MARCHF1: variants seen among roughly 807,000 people sequenced by gnomAD.
MARCHF1 encodes membrane associated ring-CH-type finger 1, also known as E3 ubiquitin-protein ligase MARCHF1.
Under a neutral mutation model 54.2 loss-of-function variants are expected in MARCHF1, and 40 were observed. The observed-to-expected ratio is 0.74, with a 90% CI of 0.57 to 0.96. The LOEUF is 0.96. Ranked by LOEUF, MARCHF1 falls within the 40% of genes least tolerant of loss-of-function variation. The pLI is 0.00. For missense variants in MARCHF1, 586 were observed against 656.5 expected, an observed-to-expected ratio of 0.89 and a Z score of 1.17; for synonymous variants, 236 against 236.3, an observed-to-expected ratio of 1.00 and a Z score of 0.01.
At chr4:163,957,192 C>T (rs953568616) in intron 3 of MARCHF1, among the ~76,000 whole-genome samples, 5 of 151,896 alleles carry the variant, frequency 3.3e-5, no homozygotes, top group Non-Finnish European at 5.9e-5. Context: ...CTCAATTAAA[C>T]TGTGATACTA....
intron 5 of MARCHF1, among the ~76,000 whole-genome samples, chr4:163,637,423 G>T (rs1393104125): frequency 1.3e-5 from 2 of 152,034 alleles, no homozygotes; most frequent in Non-Finnish European, 2.9e-5. Context: ...CCATCAAAAA[G>T]TGGGCGAAGG....
intron 1 of MARCHF1, among the ~76,000 whole-genome samples, chr4:164,240,074 A>G (rs1190389207): frequency 1.3e-5 from 2 of 152,200 alleles, no homozygotes. Flanking sequence ...TGGACAAATG[A>G]AATAGATTGT....
intron 3 of MARCHF1, among the ~76,000 whole-genome samples, chr4:163,865,804 A>G (rs1052717227): frequency 6.6e-6 from 1 of 151,644 alleles, no homozygotes; most frequent in African/African-American, 2.4e-5. Flanking sequence ...TACTTGCCTG[A>G]ATGTCTAGGT....
chr4:163,583,406 A>G (rs1740292697), intron 8 of MARCHF1, among the ~76,000 whole-genome samples: 2 of 152,234 alleles, frequency 1.3e-5, no homozygotes, highest in Admixed American at 1.3e-4. Context: ...CAACCTCTGG[A>G]TCAGATTCCA....
At chr4:163,734,181 T>C (rs56194182) in intron 4 of MARCHF1, among the ~76,000 whole-genome samples, 58,102 of 151,984 alleles carry the variant, frequency 0.38, 11,944 homozygotes, top group Admixed American at 0.46. Context: ...CCATTACAAG[T>C]GTTGGCAAGA....
intron 2 of MARCHF1, among the ~76,000 whole-genome samples, chr4:164,111,257 G>A (rs930207275): frequency 1.3e-5 from 2 of 151,700 alleles, no homozygotes. Context: ...TCACTGAAAC[G>A]GAGGTACTAT....
chr4:164,185,317 G>T (rs1015250332), intron 1 of MARCHF1, among the ~76,000 whole-genome samples: 9 of 152,070 alleles, frequency 5.9e-5, no homozygotes, highest in African/African-American at 2.2e-4. Flanking sequence ...CTGAGTGAAT[G>T]GTTATTTTTG....
chr4:164,257,556 A>G lies in MARCHF1; in HGVS notation c.-323+126314T>C, dbSNP rs994244777. Reference sequence around the variant, plus strand: ...GCTATAAGATAAATTTCTTTGAAAAACCATGGGATAGTGATAAAATATATA... The same window carrying G: ...GCTATAAGATAAATTTCTTTGAAAAGCCATGGGATAGTGATAAAATATATA... On this transcript the variant is annotated intron_variant, in intron 1 of 9. Transcript: ENST00000514618. Among the ~76,000 whole-genome samples the G allele has an allele frequency of 2.0e-5, 3 of 151,838 alleles. No individual in the cohort carries two copies. In the East Asian group the frequency reaches 5.8e-4, roughly 29 times the overall value.
intron 5 of MARCHF1, among the ~76,000 whole-genome samples, chr4:163,640,446 G>A (rs1358436831): frequency 1.3e-5 from 2 of 152,124 alleles, no homozygotes; most frequent in Non-Finnish European, 2.9e-5. Flanking sequence ...AAGGAAGTTG[G>A]TTAAAGATAT....
chr4:163,621,594 T>G (rs1353305567), intron 5 of MARCHF1, among the ~76,000 whole-genome samples: 1 of 152,188 alleles, frequency 6.6e-6, no homozygotes, highest in Non-Finnish European at 1.5e-5. Context: ...TTGCTTTATA[T>G]ATCTATAAGA....
intron 1 of MARCHF1, among the ~76,000 whole-genome samples, chr4:164,193,744 G>A (rs942796856): frequency 2.6e-5 from 4 of 152,086 alleles, no homozygotes; most frequent in African/African-American, 9.7e-5. Context: ...AACAAATGCT[G>A]TCCAAAATCA....
At chr4:163,545,973 G>A (rs1354445652) in intron 8 of MARCHF1, among the ~76,000 whole-genome samples, 1 of 151,852 alleles carries the variant, frequency 6.6e-6, no homozygotes, top group Non-Finnish European at 1.5e-5. Context: ...GTGTGTGTGT[G>A]TGTGTGTGTG....
chr4:163,903,049 C>T (rs1215243556), intron 3 of MARCHF1, among the ~76,000 whole-genome samples: 1 of 152,126 alleles, frequency 6.6e-6, no homozygotes, highest in Non-Finnish European at 1.5e-5. Context: ...TTTCTAAAAT[C>T]ATTCCTAATA....
At chr4:163,885,525 C>A (rs1452709076) in intron 3 of MARCHF1, among the ~76,000 whole-genome samples, 2 of 152,018 alleles carry the variant, frequency 1.3e-5, no homozygotes, top group South Asian at 2.1e-4. Flanking sequence ...CAAATAATAA[C>A]AAAATTCTCA....
At chr4:163,724,504 C>T (rs1745589084) in intron 4 of MARCHF1, among the ~76,000 whole-genome samples, 1 of 152,198 alleles carries the variant, frequency 6.6e-6, no homozygotes, top group South Asian at 2.1e-4. Context: ...TCTCAAACTC[C>T]ATGCTGGGAG....
At chr4:163,831,173 C>G (rs546846213) in intron 4 of MARCHF1, among the ~76,000 whole-genome samples, 9 of 152,106 alleles carry the variant, frequency 5.9e-5, no homozygotes, top group South Asian at 2.1e-4. Context: ...TGCACTGAAC[C>G]CTTAGTGACA....
intron 3 of MARCHF1, among the ~76,000 whole-genome samples, chr4:163,987,395 A>G (rs1461827048): frequency 6.6e-6 from 1 of 152,254 alleles, no homozygotes; most frequent in Non-Finnish European, 1.5e-5. Context: ...TTTCAAAATC[A>G]GTTCAAATAA....
intron 4 of MARCHF1, among the ~76,000 whole-genome samples, chr4:163,734,635 G>A (rs574918638): frequency 6.6e-6 from 1 of 151,614 alleles, no homozygotes; most frequent in African/African-American, 2.4e-5. Flanking sequence ...ACTAATCTAC[G>A]ATGATAGAAA....
chr4:163,991,114 A>G (rs929574388), intron 2 of MARCHF1, among the ~76,000 whole-genome samples: 21 of 152,208 alleles, frequency 1.4e-4, no homozygotes, highest in Admixed American at 3.9e-4. Flanking sequence ...CATTTAAAAT[A>G]TAAATTGAAT....
Sources: allele counts gnomAD v4.1 joint callset (sites outside exome capture counted in the v4.1 genomes callset), GRCh38; gene constraint gnomAD v4.1.1; transcripts MANE v1.5; gene names NCBI Gene and HGNC (gene_info 2026-07-23, HGNC 2026-07-21).